Variants in CDH13 observed in about 807,000 individuals in gnomAD.
CDH13 encodes cadherin-13.
A neutral mutation model predicts 63.8 loss-of-function variants in CDH13; 24 were observed. The ratio of observed to expected loss-of-function variants is 0.38; its 90% CI spans 0.27 to 0.53. The LOEUF is 0.53. CDH13 is among the 20% of genes least tolerant of loss of function. The pLI is 0.85. For missense variants in CDH13, 1,049 were observed against 903.1 expected (o/e 1.16, Z -2.07); for synonymous variants, 503 against 355.3 (o/e 1.42, Z -4.67).
intron 5 of CDH13, among the ~76,000 whole-genome samples, chr16:83,226,464 C>G (rs2039842714): frequency 6.6e-6 from 1 of 152,184 alleles, no homozygotes; most frequent in Non-Finnish European, 1.5e-5. Flanking sequence ...CCTTAATTTT[C>G]TCTTCTCCAC....
chr16:83,575,836 G>A (rs1386372915), intron 7 of CDH13, among the ~76,000 whole-genome samples: 1 of 152,160 alleles, frequency 6.6e-6, no homozygotes, highest in African/African-American at 2.4e-5. Context: ...CTGGGCTATA[G>A]TTTGTGTAAG....
chr16:83,528,625 C>G (rs555077273), intron 7 of CDH13, among the ~76,000 whole-genome samples: 1 of 152,308 alleles, frequency 6.6e-6, no homozygotes, highest in East Asian at 1.9e-4. Context: ...TCTCTAAATT[C>G]TCCAACTGTT....
chr16:82,795,233 A>C (rs982221211), intron 1 of CDH13, among the ~76,000 whole-genome samples: 3 of 152,120 alleles, frequency 2.0e-5, no homozygotes, highest in African/African-American at 7.2e-5. Context: ...GGAATGAATA[A>C]TTTTCCAATG....
At chr16:83,314,983 G>A (rs1024088530) in intron 5 of CDH13, among the ~76,000 whole-genome samples, 6 of 152,158 alleles carry the variant, frequency 3.9e-5, no homozygotes, top group East Asian at 1.9e-4. Flanking sequence ...TGGGCAGAAC[G>A]GAGTTTGAAT....
chr16:83,563,685 G>A (rs918575028), intron 7 of CDH13, among the ~76,000 whole-genome samples: 1 of 152,132 alleles, frequency 6.6e-6, no homozygotes, highest in Non-Finnish European at 1.5e-5. Flanking sequence ...GTGTGTGTTT[G>A]TGTAAGAACA....
chr16:82,720,723 A>C (rs1463244690), intron 1 of CDH13, among the ~76,000 whole-genome samples: 2 of 152,116 alleles, frequency 1.3e-5, no homozygotes, highest in African/African-American at 4.8e-5. Flanking sequence ...CATTGAAGAA[A>C]ACAGCATTAT....
intron 1 of CDH13, among the ~76,000 whole-genome samples, chr16:82,692,567 C>G (rs775724881): frequency 6.6e-6 from 1 of 152,118 alleles, no homozygotes; most frequent in Non-Finnish European, 1.5e-5. Context: ...TCTCTTGTTC[C>G]TTCCATGACA....
At chr16:82,793,930 G>C (rs2036446845) in intron 1 of CDH13, among the ~76,000 whole-genome samples, 2 of 152,096 alleles carry the variant, frequency 1.3e-5, no homozygotes, top group African/African-American at 4.8e-5. Flanking sequence ...GTGAGACAGT[G>C]GATCAGGAAA....
chr16:83,210,858 G>A (rs1366546958), intron 4 of CDH13, among the ~76,000 whole-genome samples: 1 of 149,804 alleles, frequency 6.7e-6, no homozygotes, highest in Non-Finnish European at 1.5e-5. Context: ...AAAAAAAAAA[G>A]GTTACTAGAG....
rs564813310 is a variant in CDH13, at chr16:83,618,218, A to G, written c.1101+15624A>G. 2.9e-3 allele frequency among the ~76,000 whole-genome samples: 434 copies of G among 152,072 alleles called. 2 individuals are homozygous for G. Among genetic ancestry groups the G allele is most frequent in the African/African-American group, 9.4e-3 (388 of 41,496 alleles). On this transcript the variant is annotated intron_variant, in intron 8 of 13. Transcript: ENST00000567109. ...GGTGGGCTGATCGCCTAAGCTCAGG[A>G]GTTCAAGACCAGCCTGGGCAACATA... is the stretch of plus-strand genomic sequence containing the variant.
At chr16:83,206,783 G>A (rs1215140677) in intron 4 of CDH13, among the ~76,000 whole-genome samples, 1 of 152,146 alleles carries the variant, frequency 6.6e-6, no homozygotes, top group Non-Finnish European at 1.5e-5. Context: ...ATTTGACTTG[G>A]GGGGACCCAT....
At chr16:83,012,940 G>A (rs1914308646) in intron 2 of CDH13, among the ~76,000 whole-genome samples, 1 of 152,142 alleles carries the variant, frequency 6.6e-6, no homozygotes, top group African/African-American at 2.4e-5. Flanking sequence ...TAACATTCAG[G>A]TGTTTGTGAA....
intron 1 of CDH13, among the ~76,000 whole-genome samples, chr16:82,701,338 T>C (rs2031001603): frequency 1.3e-5 from 2 of 152,280 alleles, no homozygotes; most frequent in South Asian, 4.1e-4. Flanking sequence ...CTTATAATTT[T>C]TCTACAACTT....
At chr16:83,583,062 G>A (rs1331594940) in intron 7 of CDH13, among the ~76,000 whole-genome samples, 4 of 152,142 alleles carry the variant, frequency 2.6e-5, no homozygotes, top group Admixed American at 6.5e-5. Context: ...GTCCCAGGGA[G>A]GATCCCATCT....
intron 7 of CDH13, among the ~76,000 whole-genome samples, chr16:83,589,172 A>G (rs12932493): frequency 0.75 from 113,346 of 151,524 alleles, 42,550 homozygotes; most frequent in East Asian, 0.86. Context: ...CTTGGCTCAT[A>G]GCCTCTTCCT....
intron 7 of CDH13, among the ~76,000 whole-genome samples, chr16:83,561,826 C>G (rs886090833): frequency 6.6e-6 from 1 of 152,190 alleles, no homozygotes; most frequent in Non-Finnish European, 1.5e-5. Flanking sequence ...TGAGTGGCAT[C>G]ACTGTTTTGT....
rs1299334388 is a variant in CDH13 at position 83,672,448 on chromosome 16, C to G, written c.1284+1476C>G. ...TTTTTTTTTTTTTTTTTTTTTGAGA[C>G]AGAGTCTTGCTCTCTCACCAGGCTG... On this transcript the variant is annotated intron_variant, in intron 9 of 13. Transcript: ENST00000567109. Among the ~76,000 whole-genome samples the G allele has an allele frequency of 5.4e-5, 3 of 55,408 alleles. No homozygotes were observed. The Admixed American group carries it at 9.5e-4, about 18-fold the overall frequency. 36.3% of individuals were successfully genotyped at this position (55,408 alleles called of 152,430 possible). A position where few individuals can be genotyped will look rare whatever the true frequency, so the allele number is the denominator to read the frequency against.
chr16:83,080,884 T>TTGTTTG (rs2033198626), intron 3 of CDH13, among the ~76,000 whole-genome samples: 3 of 119,740 alleles, frequency 2.5e-5, no homozygotes, highest in African/African-American at 9.7e-5. Context: ...TTTTTTTTTT[T>TTGTTTG]TTTTTTTTTT....
chr16:82,791,384 G>A (rs2036297387), intron 1 of CDH13, among the ~76,000 whole-genome samples: 1 of 152,200 alleles, frequency 6.6e-6, no homozygotes, highest in African/African-American at 2.4e-5. Context: ...GCTAAAGCAG[G>A]AGGTAAAGAA....
Sources: allele counts gnomAD v4.1 joint callset (sites outside exome capture counted in the v4.1 genomes callset), GRCh38; gene constraint gnomAD v4.1.1; transcripts MANE v1.5; gene names NCBI Gene and HGNC (gene_info 2026-07-23, HGNC 2026-07-21).